The following AGBL1 variants were observed in gnomAD, a reference collection of about 807,000 sequenced individuals.
AGBL1 encodes the protein AGBL carboxypeptidase 1, also known as cytosolic carboxypeptidase 4.
Under a neutral mutation model 118.9 loss-of-function variants are expected in AGBL1, and 130 were observed. The ratio of observed to expected loss-of-function variants is 1.09; its 90% confidence interval spans 0.95 to 1.26. AGBL1 has a LOEUF of 1.26. AGBL1 is among the 50% of genes most tolerant of loss of function. The pLI is 0.00. For missense variants in AGBL1, 1,584 were observed against 1,298.1 expected (o/e 1.22, Z -3.38); for synonymous variants, 555 against 478.9 (o/e 1.16, Z -2.08).
chr15:86,856,577 T>C (rs537748531), intron 22 of AGBL1, among the ~76,000 whole-genome samples: 341 of 152,368 alleles, frequency 2.2e-3, no homozygotes, highest in South Asian at 5.6e-3. Context: ...GGAACTTTGG[T>C]ATTGATAAAT....
intron 5 of AGBL1, among the ~76,000 whole-genome samples, chr15:86,165,519 G>A (rs780562406): frequency 1.3e-5 from 2 of 152,136 alleles, no homozygotes; most frequent in Non-Finnish European, 2.9e-5. Context: ...GAGATCATGA[G>A]TGAGTGGGTG....
chr15:87,010,319 T>G (rs1451410735), intron 24 of AGBL1, among the ~76,000 whole-genome samples: 3 of 152,156 alleles, frequency 2.0e-5, no homozygotes, highest in Admixed American at 6.5e-5. Flanking sequence ...TTGCTCCTCC[T>G]TGCCTTCTGC....
At chr15:86,085,771 G>C (rs763266435) in intron 1 of AGBL1, among the ~76,000 whole-genome samples, 11 of 152,122 alleles carry the variant, frequency 7.2e-5, no homozygotes, top group Non-Finnish European at 1.5e-4. Flanking sequence ...TACAACACTT[G>C]ATTTTTGTTG....
intron 22 of AGBL1, among the ~76,000 whole-genome samples, chr15:86,864,755 G>A (rs866270325): frequency 6.6e-6 from 1 of 152,104 alleles, no homozygotes; most frequent in African/African-American, 2.4e-5. Context: ...TGTTCAAAGA[G>A]CCTACCAGGA....
Position 86,912,070 on chromosome 15 carries a change from A to G in AGBL1, c.*4776A>G, listed in dbSNP as rs2080359411. 1 of 152,200 alleles carries G rather than the reference A, an allele frequency of 6.6e-6. No homozygotes were observed. The highest frequency in any genetic ancestry group is 1.5e-5 in the Non-Finnish European group (1 of 68,058). 9.4% of individuals were successfully genotyped at this position (152,200 alleles called of 1,614,324 possible). Reference sequence around the variant, plus strand: ...TTCAAACTCAGACATCCAATGTTTCAATGAAATCTCACTTATTTTCCTTAA... The same window carrying G: ...TTCAAACTCAGACATCCAATGTTTCGATGAAATCTCACTTATTTTCCTTAA... On this transcript the variant is annotated 3_prime_UTR_variant, in exon 23 of 23. Transcript: ENST00000614907.
intron 6 of AGBL1, among the ~76,000 whole-genome samples, chr15:86,238,352 T>G (rs1420563200): frequency 6.6e-6 from 1 of 152,220 alleles, no homozygotes; most frequent in Admixed American, 6.5e-5. Flanking sequence ...AAATGTTTGC[T>G]GAATGGATTA....
chr15:86,468,689 T>C (rs2082438966), intron 18 of AGBL1, among the ~76,000 whole-genome samples: 1 of 152,240 alleles, frequency 6.6e-6, no homozygotes, highest in African/African-American at 2.4e-5. Flanking sequence ...GTGTTGTTCA[T>C]GTTCATAGCA....
At chr15:86,600,667 C>G (rs1321535397) in intron 21 of AGBL1, among the ~76,000 whole-genome samples, 1 of 152,032 alleles carries the variant, frequency 6.6e-6, no homozygotes, top group East Asian at 1.9e-4. Flanking sequence ...AAACTGGTTC[C>G]TAGGAAAGGA....
chr15:86,088,503 G>T (rs896565964), intron 1 of AGBL1, among the ~76,000 whole-genome samples: 12 of 152,228 alleles, frequency 7.9e-5, no homozygotes, highest in Admixed American at 2.6e-4. Flanking sequence ...TGGGCTTTCA[G>T]GTTATTTCAT....
At chr15:86,606,001 C>T (rs1437793693) in intron 21 of AGBL1, among the ~76,000 whole-genome samples, 1 of 151,726 alleles carries the variant, frequency 6.6e-6, no homozygotes, top group African/African-American at 2.4e-5. Context: ...GTGGCAGGCA[C>T]CTGTAATCCC....
intron 22 of AGBL1, among the ~76,000 whole-genome samples, chr15:86,810,299 C>T (rs1302823231): frequency 6.6e-6 from 1 of 152,078 alleles, no homozygotes; most frequent in Non-Finnish European, 1.5e-5. Flanking sequence ...GTTTTCTGAT[C>T]TGTCATTTAG....
intron 5 of AGBL1, among the ~76,000 whole-genome samples, chr15:86,165,880 G>A (rs2077334503): frequency 6.6e-6 from 1 of 152,158 alleles, no homozygotes; most frequent in Non-Finnish European, 1.5e-5. Flanking sequence ...TATTGCATCT[G>A]CAACCTGACT....
chr15:86,168,185 G>A (rs1415243741), intron 5 of AGBL1, among the ~76,000 whole-genome samples: 3 of 152,132 alleles, frequency 2.0e-5, no homozygotes, highest in Non-Finnish European at 4.4e-5. Context: ...ATTGATACAT[G>A]CACACATTAG....
At chr15:86,455,926 C>T (rs1416812406) in intron 18 of AGBL1, among the ~76,000 whole-genome samples, 3 of 152,146 alleles carry the variant, frequency 2.0e-5, no homozygotes, top group Non-Finnish European at 4.4e-5. Flanking sequence ...ATCTACCTAC[C>T]TACCCATCCA....
At chr15:86,154,607 G>A in intron 4 of AGBL1, 46 bp downstream of exon 4, 1 of 1,568,348 alleles carries the variant, frequency 6.4e-7, no homozygotes, top group Non-Finnish European at 8.7e-7. Flanking sequence ...CCAAACCTGG[G>A]CTGGGACACA....
chr15:86,610,605 C>T (rs766229417), intron 21 of AGBL1, among the ~76,000 whole-genome samples: 6 of 152,094 alleles, frequency 3.9e-5, no homozygotes, highest in Non-Finnish European at 8.8e-5. Flanking sequence ...AAATGGGAAA[C>T]AACCAAATCC....
chr15:86,685,846 C>T (rs1165646453), intron 22 of AGBL1, among the ~76,000 whole-genome samples: 3 of 151,934 alleles, frequency 2.0e-5, no homozygotes, highest in Non-Finnish European at 4.4e-5. Flanking sequence ...AAACAGTTTC[C>T]AGGATGAAGT....
intron 17 of AGBL1, among the ~76,000 whole-genome samples, chr15:86,320,140 A>G (rs909625196): frequency 1.3e-5 from 2 of 152,184 alleles, no homozygotes; most frequent in African/African-American, 2.4e-5. Context: ...TAAAACAAAA[A>G]TATAAAATGT....
chr15:86,624,659 A>T (rs1010338210), intron 21 of AGBL1, among the ~76,000 whole-genome samples: 3 of 152,216 alleles, frequency 2.0e-5, no homozygotes, highest in Non-Finnish European at 4.4e-5. Context: ...GGAATAATCC[A>T]CTAACTCAGG....
Sources: gnomAD v4.1 joint callset for allele counts (sites outside exome capture counted in the v4.1 genomes callset) on GRCh38, gnomAD v4.1.1 for gene constraint, MANE v1.5 for transcripts, NCBI Gene and HGNC (gene_info 2026-07-23, HGNC 2026-07-21) for gene names.